The following TLN2 variants were observed in gnomAD, a reference collection of about 807,000 sequenced individuals.
TLN2 encodes talin 2, also known as talin-2.
Under a neutral mutation model 294.7 loss-of-function variants are expected in TLN2, and 118 were observed. The ratio of observed to expected loss-of-function variants is 0.40; its 90% CI spans 0.34 to 0.47. TLN2 has a LOEUF of 0.47. TLN2 is among the 20% of genes least tolerant of loss of function. The probability of loss-of-function intolerance (pLI) is 0.84; values close to 1 mark genes in which losing one functional copy is unlikely to be tolerated. For synonymous variants in TLN2, 1,431 were observed against 1,304.5 expected (o/e 1.10, Z -2.09); for missense variants, 3,083 against 3,282.2 (o/e 0.94, Z 1.48).
intron 3 of TLN2, among the ~76,000 whole-genome samples, chr15:62,639,230 G>T (rs28367122): frequency 7.2e-5 from 6 of 83,532 alleles, no homozygotes; most frequent in Admixed American, 3.5e-4. Flanking sequence ...CTAGGTTATA[G>T]ATCTATATCT....
intron 3 of TLN2, among the ~76,000 whole-genome samples, chr15:62,627,150 C>G (rs1269200891): frequency 6.6e-6 from 1 of 152,182 alleles, no homozygotes; most frequent in Non-Finnish European, 1.5e-5. Flanking sequence ...TTCATCATCA[C>G]TGAAGGCTAA....
chr15:62,651,662 G>A (rs2052598803), intron 5 of TLN2, among the ~76,000 whole-genome samples: 1 of 152,162 alleles, frequency 6.6e-6, no homozygotes, highest in Non-Finnish European at 1.5e-5. Context: ...GAAGTGCAGG[G>A]CGGCTTATGG....
intron 45 of TLN2, among the ~76,000 whole-genome samples, chr15:62,789,755 G>A (rs2064946573): frequency 6.6e-6 from 1 of 152,242 alleles, no homozygotes. Flanking sequence ...AGAAGTTTGA[G>A]AGCCTGGGTC....
At position 62,424,301 on chromosome 15, in the gene TLN2, G is replaced by A. The variant is rs926795026; in HGVS notation, c.-238+33616G>A. Among the ~76,000 whole-genome samples, 4 of 152,298 alleles carry A rather than the reference G, an allele frequency of 2.6e-5. No individual in the cohort carries two copies. In the East Asian group the frequency reaches 5.8e-4, roughly 22 times the overall value. Reference sequence around the variant, plus strand: ...GCTCCCTTTGAGGGCCATGGATGAAGCTTTTCTTAAGGGAGGCAGCTGGCA... The same window carrying A: ...GCTCCCTTTGAGGGCCATGGATGAAACTTTTCTTAAGGGAGGCAGCTGGCA... On this transcript the variant is annotated intron_variant, in intron 1 of 58. Coordinates refer to ENST00000636159, the MANE Select transcript of TLN2 (RefSeq NM_015059.3).
At chr15:62,523,326 A>G (rs2040567438) in intron 1 of TLN2, among the ~76,000 whole-genome samples, 1 of 152,206 alleles carries the variant, frequency 6.6e-6, no homozygotes, top group Non-Finnish European at 1.5e-5. Context: ...GCACTTCTCT[A>G]ACCATAAAGT....
intron 1 of TLN2, among the ~76,000 whole-genome samples, chr15:62,513,088 T>A (rs1310321551): frequency 6.6e-6 from 1 of 152,192 alleles, no homozygotes. Context: ...AGCTGCTACA[T>A]AGGCATTCCC....
intron 1 of TLN2, among the ~76,000 whole-genome samples, chr15:62,391,698 C>T (rs1374925302): frequency 6.6e-6 from 1 of 152,242 alleles, no homozygotes; most frequent in African/African-American, 2.4e-5. Flanking sequence ...GCTGTCCCCG[C>T]AAGGGCGCGC....
chr15:62,482,603 A>AG (rs1491422141), intron 1 of TLN2, among the ~76,000 whole-genome samples: 1 of 64,674 alleles, frequency 1.5e-5, no homozygotes, highest in Non-Finnish European at 2.8e-5. Context: ...ACGTTGTCTC[A>AG]AAAAAAAAAA....
intron 1 of TLN2, among the ~76,000 whole-genome samples, chr15:62,396,476 A>C (rs1236057075): frequency 6.6e-6 from 1 of 152,108 alleles, no homozygotes; most frequent in Admixed American, 6.5e-5. Context: ...TGATTTCTCA[A>C]CTTTTAGTAG....
intron 1 of TLN2, among the ~76,000 whole-genome samples, chr15:62,474,378 C>T (rs1435537928): frequency 2.0e-5 from 3 of 152,016 alleles, no homozygotes; most frequent in African/African-American, 4.8e-5. Context: ...CTTGGTGGCA[C>T]ATGCCTATAA....
At chr15:62,521,589 G>C (rs2040460505) in intron 1 of TLN2, among the ~76,000 whole-genome samples, 1 of 152,082 alleles carries the variant, frequency 6.6e-6, no homozygotes, top group African/African-American at 2.4e-5. Context: ...TAAGATGAGG[G>C]GGGTTGTGAG....
intron 1 of TLN2, among the ~76,000 whole-genome samples, chr15:62,555,341 CT>C (rs1384719078): frequency 6.6e-6 from 1 of 151,972 alleles, no homozygotes; most frequent in African/African-American, 2.4e-5. Flanking sequence ...TTATATTAAC[CT>C]TTTTTTGTCT....
intron 2 of TLN2, among the ~76,000 whole-genome samples, chr15:62,595,451 T>C (rs1483088018): frequency 6.7e-6 from 1 of 148,936 alleles, no homozygotes; most frequent in Non-Finnish European, 1.5e-5. Context: ...ATAACAAGTG[T>C]TGGTGAGGAT....
intron 1 of TLN2, among the ~76,000 whole-genome samples, chr15:62,393,546 GT>G (rs768563133): frequency 2.6e-4 from 40 of 151,990 alleles, no homozygotes; most frequent in Non-Finnish European, 5.0e-4. Flanking sequence ...CCAGAACATC[GT>G]TAGTTCTCTA....
intron 1 of TLN2, among the ~76,000 whole-genome samples, chr15:62,441,868 T>C (rs2456933): frequency 0.92 from 140,386 of 152,198 alleles, 65,546 homozygotes; most frequent in East Asian, 1. Context: ...CGTGGAGGTT[T>C]GTGGCGGGTG....
intron 52 of TLN2, among the ~76,000 whole-genome samples, chr15:62,814,969 C>G (rs151282251): frequency 2.6e-5 from 4 of 152,236 alleles, no homozygotes; most frequent in Non-Finnish European, 5.9e-5. Flanking sequence ...TGAGAATGCC[C>G]AAGCCTGGGA....
intron 1 of TLN2, among the ~76,000 whole-genome samples, chr15:62,582,837 G>A (rs375147562): frequency 1.6e-4 from 24 of 152,250 alleles, no homozygotes; most frequent in East Asian, 9.7e-4. Flanking sequence ...AGGCTGCCAC[G>A]GTAGATCAGA....
intron 2 of TLN2, among the ~76,000 whole-genome samples, chr15:62,612,047 C>G (rs529597072): frequency 6.6e-6 from 1 of 152,222 alleles, no homozygotes; most frequent in East Asian, 1.9e-4. Flanking sequence ...AATTGGGATA[C>G]AGACCTTGTT....
chr15:62,664,479 T>C lies in TLN2; in HGVS notation c.788+6581T>C, dbSNP rs1376774325. 2.0e-5 allele frequency among the ~76,000 whole-genome samples: 3 copies of C among 152,042 alleles called. 1 individual carries two copies. The highest frequency in any genetic ancestry group is 7.3e-5 in the African/African-American group (3 of 41,292). On this transcript the variant is annotated intron_variant, in intron 9 of 58. Coordinates refer to ENST00000636159, the MANE Select transcript of TLN2 (RefSeq NM_015059.3). ...ATATGAATCTTTATATTTAAAAATA[T>C]ATACACAAAGAGAAACCGGATGTAT...
Sources: allele counts gnomAD v4.1 joint callset (sites outside exome capture counted in the v4.1 genomes callset), GRCh38; gene constraint gnomAD v4.1.1; transcripts MANE v1.5; gene names NCBI Gene and HGNC (gene_info 2026-07-23, HGNC 2026-07-21).